Variants in CMIP observed in about 807,000 individuals in gnomAD.
CMIP encodes c-Maf inducing protein.
A neutral mutation model predicts 97.3 loss-of-function variants in CMIP; 13 were observed. That is an observed-to-expected ratio of 0.13 (90% CI 0.09 to 0.21). The LOEUF (loss-of-function observed/expected upper bound fraction) is 0.21, where lower values mean the gene tolerates loss of function less well. CMIP is among the 10% of genes least tolerant of loss of function. The pLI, the probability that CMIP is intolerant of heterozygous loss-of-function variation, is 1.00. For missense variants in CMIP, 847 were observed against 1,024.9 expected, an observed-to-expected ratio of 0.83 and a Z score of 2.37; for synonymous variants, 538 against 436.3, an observed-to-expected ratio of 1.23 and a Z score of -2.91.
intron 1 of CMIP, among the ~76,000 whole-genome samples, chr16:81,561,898 T>C (rs903388632): frequency 6.6e-6 from 1 of 152,192 alleles, no homozygotes; most frequent in Non-Finnish European, 1.5e-5. Context: ...TCTTCTTGGA[T>C]GATGTGGTCT....
intron 20 of CMIP, among the ~76,000 whole-genome samples, chr16:81,709,355 T>C (rs988006602): frequency 1.3e-5 from 2 of 152,158 alleles, no homozygotes; most frequent in Admixed American, 6.5e-5. Context: ...GCACCATCCT[T>C]TGAGCCAGGG....
At chr16:81,706,323 C>G (rs893136800) in intron 19 of CMIP, among the ~76,000 whole-genome samples, 1 of 152,072 alleles carries the variant, frequency 6.6e-6, no homozygotes, top group African/African-American at 2.4e-5. Flanking sequence ...GGGAGTTGGC[C>G]AAGGGGGAGG....
intron 1 of CMIP, among the ~76,000 whole-genome samples, chr16:81,527,893 TGC>T (rs140755062): frequency 3.4e-3 from 516 of 152,354 alleles, no homozygotes; most frequent in African/African-American, 0.012. Flanking sequence ...GGAAGTCTCT[TGC>T]GTATGCCTTT....
intron 17 of CMIP, among the ~76,000 whole-genome samples, chr16:81,703,451 TCA>T (rs1907642723): frequency 6.6e-6 from 1 of 151,600 alleles, no homozygotes; most frequent in Non-Finnish European, 1.5e-5. Context: ...AGGCAGCCAG[TCA>T]CACACCCTGA....
chr16:81,511,856 C>T (rs1207435747), intron 1 of CMIP, among the ~76,000 whole-genome samples: 2 of 152,184 alleles, frequency 1.3e-5, no homozygotes, highest in Non-Finnish European at 2.9e-5. Flanking sequence ...GCCACTGCAC[C>T]TGGCCTCTAG....
chr16:81,651,454 A>G (rs938300316), intron 3 of CMIP: 1 of 912,236 alleles, frequency 1.1e-6, no homozygotes, highest in South Asian at 5.0e-5. Context: ...CTTCCTCACC[A>G]GGTGGATGCG....
At chr16:81,559,092 T>A (rs1035162360) in intron 1 of CMIP, among the ~76,000 whole-genome samples, 1 of 152,244 alleles carries the variant, frequency 6.6e-6, no homozygotes, top group Non-Finnish European at 1.5e-5. Context: ...GACTTCCTTC[T>A]TCTGTGTGCG....
At chr16:81,576,063 C>G (rs1398914236) in intron 1 of CMIP, among the ~76,000 whole-genome samples, 2 of 152,186 alleles carry the variant, frequency 1.3e-5, no homozygotes, top group Non-Finnish European at 2.9e-5. Flanking sequence ...ATCACCAGAT[C>G]TGAGATATCT....
chr16:81,486,617 A>G (rs928815704), intron 1 of CMIP, among the ~76,000 whole-genome samples: 1 of 152,222 alleles, frequency 6.6e-6, no homozygotes, highest in Admixed American at 6.5e-5. Context: ...CCTCAGCCAC[A>G]GGAGGTGAGG....
At chr16:81,517,526 A>C (rs1423744664) in intron 1 of CMIP, among the ~76,000 whole-genome samples, 1 of 152,250 alleles carries the variant, frequency 6.6e-6, no homozygotes, top group African/African-American at 2.4e-5. Flanking sequence ...CTCCTCTGGC[A>C]AGAGAGTGGG....
intron 3 of CMIP, among the ~76,000 whole-genome samples, chr16:81,636,741 A>G (rs936709639): frequency 6.6e-5 from 10 of 152,048 alleles, no homozygotes; most frequent in African/African-American, 2.2e-4. Flanking sequence ...GCTTCCTGCA[A>G]TAATTTGAAA....
intron 4 of CMIP, among the ~76,000 whole-genome samples, chr16:81,654,460 G>T (rs1215945342): frequency 2.6e-5 from 4 of 152,204 alleles, no homozygotes; most frequent in Non-Finnish European, 5.9e-5. Flanking sequence ...GAGGAATAAA[G>T]ATATTTAAAG....
chr16:81,580,798 AAAAC>A (rs1000856882), intron 1 of CMIP, among the ~76,000 whole-genome samples: 7 of 152,066 alleles, frequency 4.6e-5, no homozygotes, highest in Non-Finnish European at 7.4e-5. Context: ...CTCTGTCTCA[AAAAC>A]AAACAAACAA....
intron 3 of CMIP, among the ~76,000 whole-genome samples, chr16:81,632,734 A>G (rs1260410183): frequency 6.6e-6 from 1 of 152,180 alleles, no homozygotes; most frequent in Admixed American, 6.5e-5. Flanking sequence ...CCCTGGCTAC[A>G]GAGCTGGGAG....
intron 1 of CMIP, among the ~76,000 whole-genome samples, chr16:81,488,122 T>C (rs1260936210): frequency 1.1e-5 from 1 of 90,152 alleles, no homozygotes; most frequent in Non-Finnish European, 2.3e-5. Flanking sequence ...TTTTATTTTA[T>C]TGGCTGCATG....
At chr16:81,677,697 G>A (rs1047178425) in intron 9 of CMIP, among the ~76,000 whole-genome samples, 2 of 152,178 alleles carry the variant, frequency 1.3e-5, no homozygotes, top group South Asian at 2.1e-4. Flanking sequence ...TGTTCCTCTG[G>A]GCAGTTAAAG....
In CMIP at chr16:81,669,105, A is replaced by T. The variant is rs575627488; in HGVS notation, c.826-1037A>T. ...TTCCACATCCACCTCACACCTCCAC[A>T]CCCACCTCTCACACTCACCTCCTTC... On this transcript the variant is annotated intron_variant, in intron 7 of 20. Coordinates refer to ENST00000537098, the MANE Select transcript of CMIP (RefSeq NM_198390.3). 4.8e-4 allele frequency among the ~76,000 whole-genome samples: 28 copies of T among 58,736 alleles called. 1 individual carries two copies. The East Asian group carries it at 0.013, about 28-fold the overall frequency. The allele number at this position is 58,736 out of a possible 152,430, so 38.5% of individuals were successfully genotyped here.
chr16:81,459,201 C>T (rs1056501310), intron 1 of CMIP, among the ~76,000 whole-genome samples: 4 of 152,154 alleles, frequency 2.6e-5, no homozygotes, highest in Non-Finnish European at 5.9e-5. Context: ...CCAGGAATAC[C>T]CGATGTCAAT....
In CMIP at chr16:81,660,877, G is replaced by A. The variant is rs1336804800; in HGVS notation, c.682-7G>A. 6.2e-7 allele frequency: 1 copy of A among 1,613,900 alleles called. No homozygotes were observed. The highest frequency in any genetic ancestry group is 1.1e-5 in the South Asian group (1 of 91,080). ...ACGGTTCCTGATGCTTGTTTGTTGT[G>A]TTTCAGGCAATCGCTCCTTTGCTGG... On this transcript the variant is annotated splice_region_variant and splice_polypyrimidine_tract_variant and intron_variant, in intron 5 of 20. Coordinates refer to ENST00000537098, the MANE Select transcript of CMIP (RefSeq NM_198390.3).
Sources: gnomAD v4.1 joint callset for allele counts (sites outside exome capture counted in the v4.1 genomes callset) on GRCh38, gnomAD v4.1.1 for gene constraint, MANE v1.5 for transcripts, NCBI Gene and HGNC (gene_info 2026-07-23, HGNC 2026-07-21) for gene names.